Variants in MAX observed in about 807,000 individuals in gnomAD.
MAX encodes MYC associated transcriptional regulator X.
MAX carries 3 observed loss-of-function variants against 22.3 expected under a neutral mutation model. The ratio of observed to expected loss-of-function variants is 0.13; its 90% CI spans 0.06 to 0.35. The LOEUF is 0.35. Ranked by LOEUF, MAX falls within the 10% of genes least tolerant of loss-of-function variation. The probability of loss-of-function intolerance (pLI) is 1.00; values close to 1 mark genes in which losing one functional copy is unlikely to be tolerated. For missense variants in MAX, 119 were observed against 209.4 expected (o/e 0.57, Z 2.66); for synonymous variants, 72 against 77.7 (o/e 0.93, Z 0.39).
At chr14:65,071,824 G>A (rs989253194), downstream of MAX, among the ~76,000 whole-genome samples, 4 of 152,204 alleles carry the variant, frequency 2.6e-5, no homozygotes, top group Non-Finnish European at 5.9e-5. The surrounding 1 kb of genome is among the most constrained non-coding windows in gnomAD (Gnocchi z 4.2). Flanking sequence ...TTTGCCAGGA[G>A]AGCCTCCAAA....
intron 3 of MAX, among the ~76,000 whole-genome samples, chr14:65,033,679 C>A (rs4605081): frequency 0.57 from 85,991 of 151,912 alleles, 25,004 homozygotes; most frequent in African/African-American, 0.69. Flanking sequence ...AACATGGTGA[C>A]ACCCCGTCTC....
chr14:65,025,467 G>A lies in MAX; in HGVS notation c.172-19183C>T, dbSNP rs186252691. ...GGGAAATGTCATAAGAATTGATGACGATTTGGAAAGAAGGAACAAATTCAA... is the reference window on the plus strand; with the variant it reads ...GGGAAATGTCATAAGAATTGATGACAATTTGGAAAGAAGGAACAAATTCAA... On this transcript the variant is annotated intron_variant, in intron 3 of 3. Coordinates refer to the MAX transcript ENST00000341653. 8.5e-4 allele frequency among the ~76,000 whole-genome samples: 130 copies of A among 152,252 alleles called. 1 individual carries two copies. The highest frequency in any genetic ancestry group is 3.0e-3 in the African/African-American group (123 of 41,536).
Position 65,068,185 on chromosome 14 carries a change from A to T in MAX, c.171+25523T>A, listed in dbSNP as rs1195178772. Reference sequence around the variant, plus strand: ...GGAGGTGGCTCACGCCTGTAATCCCAGCACTTTGGCAGGCTGAGGCAGGTG... The same window carrying T: ...GGAGGTGGCTCACGCCTGTAATCCCTGCACTTTGGCAGGCTGAGGCAGGTG... On this transcript the variant is annotated intron_variant, in intron 3 of 3. Transcript: ENST00000341653. Among the ~76,000 whole-genome samples the T allele has an allele frequency of 3.9e-5, 6 of 152,144 alleles. 1 individual carries two copies. The highest frequency in any genetic ancestry group is 8.8e-5 in the Non-Finnish European group (6 of 68,026).
At chr14:65,100,821 A>G (rs1432766038) in intron 2 of MAX, among the ~76,000 whole-genome samples, 1 of 152,242 alleles carries the variant, frequency 6.6e-6, no homozygotes, top group Admixed American at 6.5e-5. Context: ...GCTTATCTAA[A>G]TCCACAGAAC....
chr14:65,077,506 C>T lies in MAX; in HGVS notation c.295+407G>A, dbSNP rs2063091021. On this transcript the variant is annotated intron_variant, in intron 4 of 4. Transcript: ENST00000358664. This position sits in a 1 kb window ranked among gnomAD's most constrained non-coding sequence, Gnocchi z 6.3. Reference sequence around the variant, plus strand: ...CCCATAGGCTGCCCTGATTGGACTACCATTGACAATGGGGAGGGCTCACTG... The same window carrying T: ...CCCATAGGCTGCCCTGATTGGACTATCATTGACAATGGGGAGGGCTCACTG... The T allele has an allele frequency of 5.8e-6, 6 of 1,032,564 alleles. No homozygotes were observed. The highest frequency in any genetic ancestry group is 6.2e-6 in the Non-Finnish European group (4 of 648,822). The allele number at this position is 1,032,564 out of a possible 1,614,324, so 64.0% of individuals were successfully genotyped here.
intron 1 of MAX, among the ~76,000 whole-genome samples, chr14:65,101,882 T>C (rs2063853767): frequency 6.6e-6 from 1 of 152,108 alleles, no homozygotes; most frequent in Non-Finnish European, 1.5e-5. Context: ...TCTCCGCCCT[T>C]CCCCGGCCCC....
chr14:65,094,089 G>T (rs139829219), intron 2 of MAX: 3 of 440,846 alleles, frequency 6.8e-6, no homozygotes, highest in East Asian at 4.7e-5. Context: ...GGGGGACAAA[G>T]TGTGACTCTC....
chr14:65,034,957 G>A (rs2062156317), intron 3 of MAX, among the ~76,000 whole-genome samples: 1 of 152,190 alleles, frequency 6.6e-6, no homozygotes, highest in African/African-American at 2.4e-5. Flanking sequence ...CAGTCAACTT[G>A]GTCAGACTCA....
rs1487749821 is a variant in MAX, at chr14:65,012,338, G to A, written c.172-6054C>T. On this transcript the variant is annotated intron_variant, in intron 3 of 3. Coordinates refer to the MAX transcript ENST00000341653. This position sits in a 1 kb window ranked among gnomAD's most constrained non-coding sequence, Gnocchi z 5.0. ...CCAGGCTTGTTTTGCAGAGGGAGAAGCACTTCCATTATCTGAAAAGAGGCC... is the reference window on the plus strand; with the variant it reads ...CCAGGCTTGTTTTGCAGAGGGAGAAACACTTCCATTATCTGAAAAGAGGCC... 6.2e-7 allele frequency: 1 copy of A among 1,613,788 alleles called. No individual in the cohort carries two copies.
chr14:65,078,174 T>A lies in MAX; in HGVS notation c.172-138A>T. On this transcript the variant is annotated intron_variant, in intron 3 of 4. Coordinates refer to ENST00000358664, the MANE Select transcript of MAX (RefSeq NM_002382.5). This position sits in a 1 kb window ranked among gnomAD's most constrained non-coding sequence, Gnocchi z 6.4. ...GGAAAAGGCTGAAGAAATACAATAATGGCTACTGTAGGCTTTATTTATTTA... is the reference window on the plus strand; with the variant it reads ...GGAAAAGGCTGAAGAAATACAATAAAGGCTACTGTAGGCTTTATTTATTTA... 1 of 845,730 alleles carries A rather than the reference T, an allele frequency of 1.2e-6. No homozygotes were observed. Among genetic ancestry groups the A allele is most frequent in the Non-Finnish European group, 2.0e-6 (1 of 504,122 alleles). 52.4% of individuals were successfully genotyped at this position (845,730 alleles called of 1,614,324 possible). A position where few individuals can be genotyped will look rare whatever the true frequency, so the allele number is the denominator to read the frequency against.
At chr14:65,091,905 G>C (rs1252692452) in intron 3 of MAX, 2 of 152,130 alleles carry the variant, frequency 1.3e-5, no homozygotes, top group Non-Finnish European at 2.9e-5. Context: ...ATCTAGGATA[G>C]TGCCTGGCAT....
downstream of MAX, among the ~76,000 whole-genome samples, chr14:65,072,319 CCTT>C (rs2062996343): frequency 6.6e-6 from 1 of 152,134 alleles, no homozygotes; most frequent in Admixed American, 6.5e-5. Context: ...CAGCTTTCTT[CCTT>C]CTCAAGTTTA....
rs1232612245 is a variant in MAX, at chr14:65,077,595, C to T, written c.295+318G>A. The T allele has an allele frequency of 9.9e-7, 1 of 1,014,400 alleles. No individual in the cohort carries two copies. Among genetic ancestry groups the T allele is most frequent in the East Asian group, 2.5e-5 (1 of 39,644 alleles). The allele number at this position is 1,014,400 out of a possible 1,614,324, so 62.8% of individuals were successfully genotyped here. On this transcript the variant is annotated intron_variant, in intron 4 of 4. Coordinates refer to ENST00000358664, the MANE Select transcript of MAX (RefSeq NM_002382.5). The surrounding 1 kb of genome is among the most constrained non-coding windows in gnomAD (Gnocchi z 6.3). ...ATTCCACTCCAAGGACCTCAAAGCT[C>T]TTTTCAGACACCTGATGCCAGGTGT...
chr14:65,006,378 C>T, intron 3 of MAX: 1 of 1,540,296 alleles, frequency 6.5e-7, no homozygotes, highest in Non-Finnish European at 8.8e-7. Flanking sequence ...ATGCTCTGAC[C>T]TCAATAAAAT....
At chr14:65,068,041 C>T (rs2062948964) in intron 3 of MAX, among the ~76,000 whole-genome samples, 1 of 152,110 alleles carries the variant, frequency 6.6e-6, no homozygotes, top group South Asian at 2.1e-4. Flanking sequence ...GCTGATGTTA[C>T]CCTTCATCGC....
In MAX at chr14:65,093,900, C is replaced by G; in HGVS notation, c.64-85G>C. 2.4e-6 allele frequency: 2 copies of G among 825,872 alleles called. No homozygotes were observed. The highest frequency in any genetic ancestry group is 1.7e-5 in the African/African-American group (1 of 60,230). 51.2% of individuals were successfully genotyped at this position (825,872 alleles called of 1,614,324 possible). A position where few individuals can be genotyped will look rare whatever the true frequency, so the allele number is the denominator to read the frequency against. ...GGGTGGGGTACAGCCTGGAAGTACA[C>G]GCTGTCAGCACTGTCCCTGGCGAGT... On this transcript the variant is annotated intron_variant, in intron 2 of 4. Transcript: ENST00000358664. This position sits in a 1 kb window ranked among gnomAD's most constrained non-coding sequence, Gnocchi z 4.4.
At chr14:65,045,992 A>G (rs1034872989) in intron 3 of MAX, among the ~76,000 whole-genome samples, 8 of 152,004 alleles carry the variant, frequency 5.3e-5, no homozygotes, top group African/African-American at 1.9e-4. Flanking sequence ...TTATTTTAGT[A>G]TTATTTTTTT....
At chr14:65,048,676 G>A (rs2062540937) in intron 3 of MAX, among the ~76,000 whole-genome samples, 1 of 151,628 alleles carries the variant, frequency 6.6e-6, no homozygotes, top group Non-Finnish European at 1.5e-5. Context: ...AATATAGTGA[G>A]AGCTTGTCTC....
chr14:65,094,049 C>T (rs1444004126), intron 2 of MAX: 1 of 554,328 alleles, frequency 1.8e-6, no homozygotes, highest in Non-Finnish European at 3.3e-6. Context: ...ATGCATCCAG[C>T]TCATGCATAA....
Sources: gnomAD v4.1 joint callset for allele counts (sites outside exome capture counted in the v4.1 genomes callset) on GRCh38, gnomAD v4.1.1 for gene constraint, Gnocchi (gnomAD v3.1) non-coding constraint, MANE v1.5 for transcripts, NCBI Gene and HGNC (gene_info 2026-07-23, HGNC 2026-07-21) for gene names.